The following LRP6 variants were observed in gnomAD, a reference collection of about 807,000 sequenced individuals.
LRP6 encodes the protein low-density lipoprotein receptor-related protein 6.
A neutral mutation model predicts 184.1 loss-of-function variants in LRP6; 43 were observed. The ratio of observed to expected loss-of-function variants is 0.23; its 90% CI spans 0.18 to 0.30. LRP6 has a LOEUF of 0.30. LRP6 is among the 10% of genes least tolerant of loss of function. The probability of loss-of-function intolerance (pLI) is 1.00; values close to 1 mark genes in which losing one functional copy is unlikely to be tolerated. For missense variants in LRP6, 1,571 were observed against 2,005.3 expected (o/e 0.78, Z 4.14); for synonymous variants, 719 against 684.9 (o/e 1.05, Z -0.78).
intron 2 of LRP6, among the ~76,000 whole-genome samples, chr12:12,236,105 T>C (rs1864926411): frequency 6.6e-6 from 1 of 151,984 alleles, no homozygotes; most frequent in African/African-American, 2.4e-5. Flanking sequence ...CGGGTGCCTG[T>C]AGTCCCAGTC....
At chr12:12,165,372 C>T in intron 7 of LRP6, 77 bp from the exon 8 acceptor site, 3 of 1,000,870 alleles carry the variant, frequency 3.0e-6, no homozygotes, top group East Asian at 2.4e-5. Context: ...ATCCAACTGC[C>T]TGTTGTATAA....
chr12:12,194,354 TTCAC>T (rs1195499026), intron 3 of LRP6, among the ~76,000 whole-genome samples: 1 of 152,082 alleles, frequency 6.6e-6, no homozygotes, highest in Admixed American at 6.6e-5. Context: ...TAACCACGAA[TTCAC>T]TCAGATGAAG....
At chr12:12,243,514 C>A (rs1865113945) in intron 2 of LRP6, among the ~76,000 whole-genome samples, 1 of 152,180 alleles carries the variant, frequency 6.6e-6, no homozygotes, top group Non-Finnish European at 1.5e-5. Flanking sequence ...TCCTTCTTCT[C>A]TCTCTTTAAA....
At chr12:12,158,775 T>C in intron 12 of LRP6, 54 bp downstream of exon 12, 1 of 1,566,482 alleles carries the variant, frequency 6.4e-7, no homozygotes, top group Non-Finnish European at 8.8e-7. Flanking sequence ...TAAAGTACTT[T>C]GAAAATGCTG....
intron 12 of LRP6, chr12:12,155,554 C>T (rs976039035): frequency 3.4e-5 from 25 of 741,194 alleles, no homozygotes; most frequent in Non-Finnish European, 5.6e-5. Context: ...ACGTTAAGCA[C>T]GCTAAGAGCC....
chr12:12,185,844 T>C (rs1474832711), intron 4 of LRP6, among the ~76,000 whole-genome samples: 1 of 105,136 alleles, frequency 9.5e-6, no homozygotes, highest in African/African-American at 3.0e-5. Flanking sequence ...GTGTGTGTTT[T>C]TTGTTTTTTT....
At chr12:12,202,471 A>C (rs1863941164) in intron 3 of LRP6, among the ~76,000 whole-genome samples, 1 of 152,228 alleles carries the variant, frequency 6.6e-6, no homozygotes, top group African/African-American at 2.4e-5. Context: ...TGAGCCCAGG[A>C]GACAGAGGTT....
At chr12:12,232,226 T>C (rs1169538311) in intron 2 of LRP6, among the ~76,000 whole-genome samples, 1 of 151,144 alleles carries the variant, frequency 6.6e-6, no homozygotes, top group Admixed American at 6.6e-5. Context: ...TACTAAAAAA[T>C]ACAAAAAATT....
chr12:12,190,244 C>T (rs1402336867), intron 3 of LRP6, among the ~76,000 whole-genome samples: 1 of 152,140 alleles, frequency 6.6e-6, no homozygotes. Flanking sequence ...AGTAAGCCTA[C>T]CTCCTGATCC....
intron 7 of LRP6, among the ~76,000 whole-genome samples, chr12:12,174,138 G>A (rs1281648902): frequency 2.0e-5 from 3 of 150,886 alleles, no homozygotes; most frequent in Non-Finnish European, 4.4e-5. Flanking sequence ...TTTAAGCAGA[G>A]TCTTGCTCTG....
intron 2 of LRP6, among the ~76,000 whole-genome samples, chr12:12,242,699 A>G (rs1865096772): frequency 6.6e-6 from 1 of 152,228 alleles, no homozygotes; most frequent in African/African-American, 2.4e-5. Context: ...CAGAGCCACT[A>G]CAATATTTCC....
rs1171962473 is a variant in LRP6, at chr12:12,219,798, C to A, written c.450-16398G>T. 2.6e-5 allele frequency among the ~76,000 whole-genome samples: 4 copies of A among 152,202 alleles called. No homozygotes were observed. The East Asian group carries it at 7.7e-4, about 29-fold the overall frequency. On this transcript the variant is annotated intron_variant, in intron 2 of 22. Coordinates refer to ENST00000261349, the MANE Select transcript of LRP6 (RefSeq NM_002336.3). ...TTTGCTTTCCACATCTCTCTCCTAA[C>A]TGGGACAGGGTTACGTGTAAGTCCT...
At chr12:12,243,846 G>A (rs1473261204) in intron 2 of LRP6, among the ~76,000 whole-genome samples, 1 of 152,160 alleles carries the variant, frequency 6.6e-6, no homozygotes, top group Non-Finnish European at 1.5e-5. Context: ...TGCCTCCTGG[G>A]TTCAAGTGAT....
At chr12:12,135,633 G>A (rs1435822184) in intron 16 of LRP6, among the ~76,000 whole-genome samples, 1 of 151,342 alleles carries the variant, frequency 6.6e-6, no homozygotes, top group African/African-American at 2.4e-5. Flanking sequence ...AGCTGGGATT[G>A]CAGGTGACTG....
chr12:12,167,917 G>A (rs1198743061), intron 7 of LRP6, among the ~76,000 whole-genome samples: 1 of 152,038 alleles, frequency 6.6e-6, no homozygotes, highest in Non-Finnish European at 1.5e-5. Context: ...CTGTTAAACT[G>A]AAGACAAAAA....
intron 16 of LRP6, among the ~76,000 whole-genome samples, chr12:12,135,555 GT>G (rs1949826857): frequency 6.6e-6 from 1 of 150,856 alleles, no homozygotes; most frequent in Non-Finnish European, 1.5e-5. Flanking sequence ...GTACAGTGGT[GT>G]GATCTTGGCT....
At chr12:12,197,136 AT>A (rs1165939733) in intron 3 of LRP6, among the ~76,000 whole-genome samples, 1 of 152,198 alleles carries the variant, frequency 6.6e-6, no homozygotes, top group East Asian at 1.9e-4. Context: ...TTAAAATACC[AT>A]TATGAACTCA....
intron 7 of LRP6, among the ~76,000 whole-genome samples, chr12:12,170,649 C>A (rs1863009730): frequency 6.6e-6 from 1 of 151,986 alleles, no homozygotes; most frequent in Non-Finnish European, 1.5e-5. Flanking sequence ...TAGTTTACAT[C>A]ACTGTCCCCT....
chr12:12,141,074 C>G (rs543129486), intron 15 of LRP6, among the ~76,000 whole-genome samples: 149 of 150,748 alleles, frequency 9.9e-4, no homozygotes, highest in African/African-American at 3.5e-3. Context: ...TACTTAATCA[C>G]AAAGTATTGA....
Sources: gnomAD v4.1 joint callset for allele counts (sites outside exome capture counted in the v4.1 genomes callset) on GRCh38, gnomAD v4.1.1 for gene constraint, MANE v1.5 for transcripts, NCBI Gene and HGNC (gene_info 2026-07-23, HGNC 2026-07-21) for gene names.